Variants in ZNF211 observed in about 807,000 individuals in gnomAD.
The protein encoded by ZNF211 is zinc finger protein 211, also known as zinc finger protein C2H2-25.
In ZNF211, 18 loss-of-function variants were observed where a neutral mutation model predicts 12.1. The ratio of observed to expected loss-of-function variants is 1.48; its 90% CI spans 1.03 to 2.20. ZNF211 has a LOEUF of 2.20. Ranked by LOEUF, ZNF211 falls within the 30% of genes most tolerant of loss-of-function variation. ZNF211 has a pLI of 0.00. For synonymous variants in ZNF211, 249 were observed against 246.0 expected (o/e 1.01, Z -0.11); for missense variants, 677 against 703.1 (o/e 0.96, Z 0.42).
chr19:57,641,075 A>G lies in ZNF211; in HGVS notation c.628A>G (p.Asn210Asp). The change falls in exon 4 of 4, where the codon AAC (asparagine) becomes GAC (aspartate). Residue 210 changes from asparagine to aspartate, a missense_variant. Transcript: ENST00000240731. Reference protein sequence around the residue: ...CREIRKDFLANMRFLHQDATQ... With the variant: ...CREIRKDFLADMRFLHQDATQ... ...GGAGATCAGGAAAGACTTCCTGGCC[A>G]ACATGAGGTTTCTCCATCAAGACGC... 6.2e-7 allele frequency: 1 copy of G among 1,614,240 alleles called. No individual in the cohort carries two copies. The highest frequency in any genetic ancestry group is 1.1e-5 in the South Asian group (1 of 91,084).
chr19:57,634,106 C>T, intron 2 of ZNF211, 45 bp downstream of exon 2: 2 of 1,509,076 alleles, frequency 1.3e-6, no homozygotes, highest in Non-Finnish European at 1.8e-6. Flanking sequence ...GAATGTCCCT[C>T]CACCCTCCCC....
At chr19:57,639,515 A>G (rs917205589) in intron 3 of ZNF211, among the ~76,000 whole-genome samples, 7 of 142,856 alleles carry the variant, frequency 4.9e-5, no homozygotes, top group Non-Finnish European at 1.1e-4. Context: ...TGCCTCCCAT[A>G]ATCAAGCGAT....
intron 1 of ZNF211, 25 bp from the exon 2 acceptor site, chr19:57,633,998 C>T: frequency 6.3e-7 from 1 of 1,594,340 alleles, no homozygotes; most frequent in Non-Finnish European, 8.5e-7. Context: ...GATCACATTC[C>T]TCTGAGGCCT....
chr19:57,640,767 T>C lies in ZNF211; in HGVS notation c.320T>C (p.Val107Ala). Residue 107 changes from valine (V) to alanine (A), a missense_variant, in exon 4 of 4, where the codon GTG becomes GCG. Physicochemically the swap from Val to Ala is moderately conservative, Grantham distance 64 (BLOSUM62 0). Transcript: ENST00000240731. ...PSEQRISGER[V>A]PQFRTSKEGS... ...GAACAGAGAATTTCTGGAGAAAGAG[T>C]GCCACAGTTCAGGACTTCCAAAGAA... 1.2e-6 allele frequency: 2 copies of C among 1,614,086 alleles called. No individual in the cohort carries two copies. The highest frequency in any genetic ancestry group is 8.5e-7 in the Non-Finnish European group (1 of 1,180,020).
At chr19:57,633,710 T>A in intron 1 of ZNF211, 1 of 1,533,162 alleles carries the variant, frequency 6.5e-7, no homozygotes, top group South Asian at 1.2e-5. Context: ...CCTTTATTCT[T>A]AGGGCCGTGG....
At position 57,643,281 on chromosome 19, in the gene ZNF211, A is replaced by G. The variant is rs535749816; in HGVS notation, c.*1100A>G. Among the ~76,000 whole-genome samples the G allele has an allele frequency of 6.6e-6, 1 of 152,188 alleles. No individual in the cohort carries two copies. The highest frequency in any genetic ancestry group is 1.9e-4 in the East Asian group (1 of 5,182). ...GGAGTGAAGGAGACTGCAGCAAACT[A>G]GATGGAATGTGCTCCTTGTAATATG... On this transcript the variant is annotated 3_prime_UTR_variant, in exon 4 of 4. Coordinates refer to ENST00000240731, the MANE Select transcript of ZNF211 (RefSeq NM_006385.5).
At position 57,633,305 on chromosome 19, in the gene ZNF211, G is replaced by A; in HGVS notation, c.-42G>A. 2.7e-6 allele frequency: 4 copies of A among 1,508,140 alleles called. No homozygotes were observed. Among genetic ancestry groups the A allele is most frequent in the Non-Finnish European group, 3.5e-6 (4 of 1,127,066 alleles). 93.4% of individuals were successfully genotyped at this position (1,508,140 alleles called of 1,614,324 possible). A position where few individuals can be genotyped will look rare whatever the true frequency, so the allele number is the denominator to read the frequency against. On this transcript the variant is annotated 5_prime_UTR_variant, in exon 1 of 4. Transcript: ENST00000240731. ...GAAGGCGCGAGAGTCAGGTCTGAGG[G>A]TCGGGGGCAGAGCCGCCCGCGAGGC...
rs766491033 is a variant in ZNF211, at chr19:57,634,016, T to A, written c.91-7T>A. 1 of 1,590,636 alleles carries A rather than the reference T, an allele frequency of 6.3e-7. No individual in the cohort carries two copies. Among genetic ancestry groups the A allele is most frequent in the South Asian group, 1.1e-5 (1 of 87,108 alleles). On this transcript the variant is annotated splice_region_variant and splice_polypyrimidine_tract_variant and intron_variant, in intron 1 of 3. Transcript: ENST00000240731. The stretch of plus-strand genomic sequence containing the variant: ...CACATTCCTCTGAGGCCTGCGTCTT[T>A]CCACAGGTTCCCATAGCTACAGAGG...
chr19:57,640,092 A>T (rs1599967492), intron 3 of ZNF211: 3 of 1,530,022 alleles, frequency 2.0e-6, no homozygotes, highest in African/African-American at 1.4e-5. Flanking sequence ...TGCACCAGGA[A>T]CCTGTCCTGT....
In ZNF211 at chr19:57,641,775, G is replaced by A. The variant is rs1982986036; in HGVS notation, c.1328G>A (p.Cys443Tyr). ...TGERPYECSK[C>Y]GKSFKQSSSF... ...GAAAGACCCTATGAGTGCAGTAAAT[G>A]TGGGAAGTCATTTAAGCAAAGCTCC... Residue 443 changes from cysteine to tyrosine, a missense_variant, in exon 4 of 4, where the codon TGT becomes TAT. Physicochemically the swap from Cys to Tyr is radical, Grantham distance 194. Coordinates refer to ENST00000240731, the MANE Select transcript of ZNF211 (RefSeq NM_006385.5). 6.2e-7 allele frequency: 1 copy of A among 1,613,964 alleles called. No homozygotes were observed. Among genetic ancestry groups the A allele is most frequent in the Non-Finnish European group, 8.5e-7 (1 of 1,180,016 alleles).
At chr19:57,637,607 G>A (rs370458964) in intron 3 of ZNF211, among the ~76,000 whole-genome samples, 2 of 152,224 alleles carry the variant, frequency 1.3e-5, no homozygotes, top group East Asian at 1.9e-4. Context: ...CTATCTGGTC[G>A]TAGTGCATAA....
chr19:57,640,523 T>C (rs554858254), intron 3 of ZNF211, among the ~76,000 whole-genome samples, 181 bp from the exon 4 acceptor site: 2 of 152,288 alleles, frequency 1.3e-5, no homozygotes, highest in East Asian at 3.9e-4. Flanking sequence ...CCTACCCTAT[T>C]CCGTAACCTT....
At chr19:57,639,377 G>GT (rs1982561170) in intron 3 of ZNF211, among the ~76,000 whole-genome samples, 1 of 24,912 alleles carries the variant, frequency 4.0e-5, no homozygotes, top group Non-Finnish European at 7.7e-5. Context: ...TTTTTTTTTA[G>GT]TGAAACTTCC....
chr19:57,634,569 T>C, intron 2 of ZNF211, 60 bp from the exon 3 acceptor site: 1 of 1,470,788 alleles, frequency 6.8e-7, no homozygotes, highest in Non-Finnish European at 9.0e-7. Context: ...TATGGGGACA[T>C]GGATTTTGAG....
chr19:57,637,004 G>C (rs1982225763), intron 3 of ZNF211, among the ~76,000 whole-genome samples: 1 of 152,132 alleles, frequency 6.6e-6, no homozygotes, highest in Non-Finnish European at 1.5e-5. Flanking sequence ...TTCACCATTA[G>C]TGTATAGAAA....
At position 57,641,943 on chromosome 19, in the gene ZNF211, G is replaced by A. The variant is rs749193394; in HGVS notation, c.1496G>A (p.Cys499Tyr). The change falls in exon 4 of 4, where the codon TGT (cysteine) becomes TAT (tyrosine). Residue 499 changes from cysteine to tyrosine, a missense_variant. Cys to Tyr is a radical substitution (Grantham distance 194). Transcript: ENST00000240731. ...GAAAGACCTGTTGAGTGCAGTGAAT[G>A]TAGCAAATCCTTTAGCTGTAAATCT... ...TGERPVECSE[C>Y]SKSFSCKSNL... 2 of 1,613,960 alleles carry A rather than the reference G, an allele frequency of 1.2e-6. No individual in the cohort carries two copies. The highest frequency in any genetic ancestry group is 2.7e-5 in the African/African-American group (2 of 74,882).
chr19:57,642,065 C>T lies in ZNF211; in HGVS notation c.1618C>T (p.His540Tyr), dbSNP rs1568646769. Residue 540 changes from histidine (H) to tyrosine (Y), a missense_variant, in exon 4 of 4, where the codon CAC becomes TAC. By Grantham distance (83) the His-to-Tyr change is moderately conservative (BLOSUM62 2). Transcript: ENST00000240731. ...SFSQSSSLIQ[H>Y]RRVHTGKRPY... ...TAGCCAAAGTTCTAGCCTCATTCAA[C>T]ACCGCAGAGTTCACACGGGAAAAAG... is the stretch of plus-strand genomic sequence containing the variant. 1.2e-6 allele frequency: 2 copies of T among 1,614,028 alleles called. No homozygotes were observed. The highest frequency in any genetic ancestry group is 3.3e-5 in the Admixed American group (2 of 60,010).
chr19:57,641,979 A>C lies in ZNF211; in HGVS notation c.1532A>C (p.Lys511Thr), dbSNP rs1284909667. The C allele has an allele frequency of 6.2e-7, 1 of 1,613,866 alleles. No individual in the cohort carries two copies. Among genetic ancestry groups the C allele is most frequent in the East Asian group, 2.2e-5 (1 of 44,834 alleles). ...TTTAGCTGTAAATCTAACCTCATTA[A>C]ACACCTGAGAGTTCACACTGGAGAA... ...KSFSCKSNLI[K>T]HLRVHTGERP... Residue 511 changes from lysine (K) to threonine (T), a missense_variant, in exon 4 of 4, where the codon AAA becomes ACA. Physicochemically the swap from Lys to Thr is moderately conservative, Grantham distance 78. Transcript: ENST00000240731.
In ZNF211 at chr19:57,633,168, A is replaced by C. The variant is rs1461962280; in HGVS notation, c.-179A>C. The C allele has an allele frequency of 1.8e-6, 1 of 557,170 alleles. No individual in the cohort carries two copies. 34.5% of individuals were successfully genotyped at this position (557,170 alleles called of 1,614,324 possible). Reference sequence around the variant, plus strand: ...GTGTGGGTCTACCCCCGCCCCCCCCAGGGCGGGACTTGTGGCGTCTTCGCA... The same window carrying C: ...GTGTGGGTCTACCCCCGCCCCCCCCCGGGCGGGACTTGTGGCGTCTTCGCA... On this transcript the variant is annotated 5_prime_UTR_variant, in exon 1 of 4. Transcript: ENST00000240731.
Sources: allele counts gnomAD v4.1 joint callset (sites outside exome capture counted in the v4.1 genomes callset), GRCh38; gene constraint gnomAD v4.1.1; transcripts MANE v1.5; gene names NCBI Gene and HGNC (gene_info 2026-07-23, HGNC 2026-07-21).